ULK2: variants seen among roughly 807,000 people sequenced by gnomAD.
ULK2 encodes the protein serine/threonine-protein kinase ULK2.
ULK2 carries 76 observed loss-of-function variants against 127.5 expected under a neutral mutation model. That is an observed-to-expected ratio of 0.60 (90% CI 0.50 to 0.72). ULK2 has a LOEUF of 0.72. Among genes scored for constraint, ULK2 ranks in the 30% least tolerant of loss-of-function variants. The pLI is 0.00. For missense variants in ULK2, 1,144 were observed against 1,295.9 expected (o/e 0.88, Z 1.80); for synonymous variants, 452 against 461.9 (o/e 0.98, Z 0.28).
At chr17:19,851,084 G>A (rs546974148) in intron 3 of ULK2, among the ~76,000 whole-genome samples, 42 of 151,472 alleles carry the variant, frequency 2.8e-4, no homozygotes, top group African/African-American at 8.2e-4. Flanking sequence ...AGGCTGAGGC[G>A]GGTGGATCAC....
intron 10 of ULK2, among the ~76,000 whole-genome samples, chr17:19,835,396 A>G (rs1018473086): frequency 2.0e-5 from 3 of 150,866 alleles, no homozygotes; most frequent in East Asian, 2.0e-4. Flanking sequence ...TAGTTTTTAT[A>G]TAAAGTAGAC....
chr17:19,818,345 T>C (rs2041048054), intron 12 of ULK2, among the ~76,000 whole-genome samples: 1 of 151,090 alleles, frequency 6.6e-6, no homozygotes, highest in Admixed American at 6.6e-5. Context: ...AAAAAGAGCT[T>C]TCCATGTTAT....
intron 13 of ULK2, 83 bp downstream of exon 13, chr17:19,816,662 CAAGA>C: frequency 8.0e-7 from 1 of 1,247,482 alleles, no homozygotes; most frequent in Non-Finnish European, 1.1e-6. Flanking sequence ...GTGCCCTACA[CAAGA>C]AAGTGTAATA....
chr17:19,846,704 G>A (rs769903764), intron 6 of ULK2, 33 bp downstream of exon 6: 1 of 1,502,314 alleles, frequency 6.7e-7, no homozygotes, highest in Admixed American at 2.3e-5. Context: ...TTCAAAAAAT[G>A]TCCTTTCCAT....
rs1409957433 is a variant in ULK2 at position 19,774,300 on chromosome 17, C to T, written c.*2049G>A. 1 of 152,582 alleles carries T rather than the reference C, an allele frequency of 6.6e-6. No homozygotes were observed. The highest frequency in any genetic ancestry group is 1.5e-5 in the Non-Finnish European group (1 of 68,038). 9.5% of individuals were successfully genotyped at this position (152,582 alleles called of 1,614,324 possible). A position where few individuals can be genotyped will look rare whatever the true frequency, so the allele number is the denominator to read the frequency against. ...TGTTGAGACTTCACTGTTTCACACACACCATCTACCCCAAGACCTTTAATA... is the reference window on the plus strand; with the variant it reads ...TGTTGAGACTTCACTGTTTCACACATACCATCTACCCCAAGACCTTTAATA... On this transcript the variant is annotated 3_prime_UTR_variant, in exon 27 of 27. Transcript: ENST00000395544.
At chr17:19,794,654 G>T (rs1305853682) in intron 20 of ULK2, among the ~76,000 whole-genome samples, 1 of 151,178 alleles carries the variant, frequency 6.6e-6, no homozygotes, top group Non-Finnish European at 1.5e-5. Flanking sequence ...CTTTGGATTA[G>T]AAAGAAACGA....
intron 5 of ULK2, among the ~76,000 whole-genome samples, chr17:19,847,454 A>G (rs763866974): frequency 1.3e-5 from 2 of 152,206 alleles, no homozygotes; most frequent in Non-Finnish European, 2.9e-5. Context: ...ACTATCTTTC[A>G]TAACTAAAAA....
At chr17:19,820,570 C>T (rs2041115497) in intron 12 of ULK2, among the ~76,000 whole-genome samples, 1 of 152,150 alleles carries the variant, frequency 6.6e-6, no homozygotes, top group Non-Finnish European at 1.5e-5. Flanking sequence ...CTAGCTAAGG[C>T]TACTAAGCAC....
chr17:19,796,268 G>A lies in ULK2; in HGVS notation c.1824C>T (p.Phe608=). 6.2e-7 allele frequency: 1 copy of A among 1,601,156 alleles called. No individual in the cohort carries two copies. The highest frequency in any genetic ancestry group is 8.5e-7 in the Non-Finnish European group (1 of 1,177,220). The change falls in exon 19 of 27, where the codon TTC becomes TTT. Residue 608 remains phenylalanine, a synonymous_variant. Coordinates refer to ENST00000395544, the MANE Select transcript of ULK2 (RefSeq NM_014683.4). The stretch of plus-strand genomic sequence containing the variant: ...AAGATGCTTGAGTTTTAGGGATTTT[G>A]AAAGGAGCTGTGGTCTAAAGAGACA... The part of the protein sequence containing the change: ...IGSPTKTTAP[F]KIPKTQASSN...
At chr17:19,829,663 C>T (rs550808978) in intron 10 of ULK2, among the ~76,000 whole-genome samples, 1 of 149,230 alleles carries the variant, frequency 6.7e-6, no homozygotes, top group African/African-American at 2.5e-5. Context: ...TGGTGAAATC[C>T]TGTCTCTACT....
In ULK2 at chr17:19,865,880, G is replaced by GA. The variant is rs1308954068; in HGVS notation, c.91-53dup. 4 of 1,151,610 alleles carry GA rather than the reference G, an allele frequency of 3.5e-6. No homozygotes were observed. The African/African-American group carries it at 4.9e-5, about 14-fold the overall frequency. 71.3% of individuals were successfully genotyped at this position (1,151,610 alleles called of 1,614,324 possible). On this transcript the variant is annotated intron_variant, in intron 1 of 26. Coordinates refer to ENST00000395544, the MANE Select transcript of ULK2 (RefSeq NM_014683.4). ...TAGATACCATTCCACATAAATAACA[G>GA]AAAAAAATTTACAAGCGCGAAGGTG...
chr17:19,783,279 C>T (rs1367907743), intron 22 of ULK2, among the ~76,000 whole-genome samples: 2 of 151,934 alleles, frequency 1.3e-5, no homozygotes, highest in African/African-American at 4.8e-5. Flanking sequence ...GGTGAAACCC[C>T]GTCTCTACTA....
chr17:19,803,259 GGCAAAAGTGC>G (rs1401657827), intron 15 of ULK2, among the ~76,000 whole-genome samples: 1 of 152,094 alleles, frequency 6.6e-6, no homozygotes, highest in Non-Finnish European at 1.5e-5. Context: ...TCTAATATGT[GGCAAAAGTGC>G]TTTATGTGTA....
intron 10 of ULK2, among the ~76,000 whole-genome samples, chr17:19,833,998 A>G (rs2041529458): frequency 6.6e-6 from 1 of 152,234 alleles, no homozygotes; most frequent in Non-Finnish European, 1.5e-5. Flanking sequence ...ACAGAGATAC[A>G]CATCTAGACA....
chr17:19,780,604 A>T lies in ULK2; in HGVS notation c.2784T>A (p.Tyr928Ter). The change falls in exon 25 of 27, where the codon TAT becomes TAA. Residue 928 changes from tyrosine to a stop codon, truncating the protein, a stop_gained. Transcript: ENST00000395544. LOFTEE classifies it high-confidence loss of function. ...TCTTGCACATGGTGATGCAGAATTT[A>T]TATCGTTCGTTCAGATTCTTGACAA... The part of the protein sequence containing the change: ...KQVVKNLNER[Y>*]KFCITMCKKL... The T allele has an allele frequency of 6.2e-7, 1 of 1,609,766 alleles. No individual in the cohort carries two copies. The highest frequency in any genetic ancestry group is 8.5e-7 in the Non-Finnish European group (1 of 1,178,744).
chr17:19,804,628 A>G (rs1597736855), intron 15 of ULK2, 65 bp downstream of exon 15: 2 of 1,517,602 alleles, frequency 1.3e-6, no homozygotes, highest in Non-Finnish European at 1.8e-6. Context: ...ATATCTTCCA[A>G]TATCAATAAA....
At chr17:19,787,392 T>TC (rs1229168016) in intron 20 of ULK2, among the ~76,000 whole-genome samples, 6 of 152,160 alleles carry the variant, frequency 3.9e-5, no homozygotes, top group Non-Finnish European at 7.4e-5. Flanking sequence ...GCTCAAGTGA[T>TC]CCTCCTGCCT....
chr17:19,854,826 C>T (rs748134303), intron 3 of ULK2, among the ~76,000 whole-genome samples: 1 of 152,032 alleles, frequency 6.6e-6, no homozygotes, highest in Non-Finnish European at 1.5e-5. Context: ...ACGGCGGGGG[C>T]ATGGTGGCTT....
At chr17:19,776,946 G>A (rs1041066725) in intron 26 of ULK2, among the ~76,000 whole-genome samples, 4 of 152,104 alleles carry the variant, frequency 2.6e-5, no homozygotes, top group African/African-American at 7.2e-5. Context: ...GATGAATTAC[G>A]CAGTCACCAG....
Sources: allele counts gnomAD v4.1 joint callset (sites outside exome capture counted in the v4.1 genomes callset), GRCh38; gene constraint gnomAD v4.1.1; transcripts MANE v1.5; gene names NCBI Gene and HGNC (gene_info 2026-07-23, HGNC 2026-07-21).